Variants in IRF4 observed in about 807,000 individuals in gnomAD.
The protein encoded by IRF4 is interferon regulatory factor 4.
A neutral mutation model predicts 55.5 loss-of-function variants in IRF4; 13 were observed. The ratio of observed to expected loss-of-function variants is 0.23; its 90% confidence interval spans 0.15 to 0.37. IRF4 has a LOEUF of 0.37. Ranked by LOEUF, IRF4 falls within the 10% of genes least tolerant of loss-of-function variation. IRF4 has a pLI of 1.00. For missense variants in IRF4, 397 were observed against 593.8 expected (o/e 0.67, Z 3.44); for synonymous variants, 249 against 240.7 (o/e 1.03, Z -0.32).
chr6:395,194 G>C (rs1427711329), intron 3 of IRF4, among the ~76,000 whole-genome samples, 187 bp downstream of exon 3: 1 of 150,132 alleles, frequency 6.7e-6, no homozygotes, highest in Non-Finnish European at 1.5e-5. Flanking sequence ...TTCCTGTGGG[G>C]TTCAGCATAG....
chr6:394,769 A>G (rs1561711139), intron 2 of IRF4, 52 bp from the exon 3 acceptor site: 2 of 1,539,290 alleles, frequency 1.3e-6, no homozygotes, highest in East Asian at 4.5e-5. Context: ...AAGAAAGCTA[A>G]TAAACCAGAC....
chr6:409,088 G>A lies in IRF4; in HGVS notation c.*1490G>A, dbSNP rs1453632939. The A allele has an allele frequency of 4.2e-5, 9 of 216,454 alleles. No homozygotes were observed. The highest frequency in any genetic ancestry group is 3.7e-4 in the South Asian group (2 of 5,372). The allele number at this position is 216,454 out of a possible 1,614,324, so 13.4% of individuals were successfully genotyped here. ...ACTCCCAGGATCAGCAGAAGATTGC[G>A]TAGCTCTCAAATGTGTGTTCCTGCT... On this transcript the variant is annotated 3_prime_UTR_variant, in exon 9 of 9. Transcript: ENST00000380956.
At chr6:396,370 C>G (rs138722261) in intron 4 of IRF4, among the ~76,000 whole-genome samples, 169 of 152,366 alleles carry the variant, frequency 1.1e-3, no homozygotes, top group Non-Finnish European at 2.2e-3. Context: ...TATGACGAAG[C>G]TTTACATAAA....
At chr6:407,211 G>A (rs901500532) in intron 8 of IRF4, among the ~76,000 whole-genome samples, 1 of 152,150 alleles carries the variant, frequency 6.6e-6, no homozygotes, top group Non-Finnish European at 1.5e-5. Flanking sequence ...AGTGGCAGTC[G>A]ATTTGAAAGT....
intron 6 of IRF4, 114 bp from the exon 7 acceptor site, chr6:401,310 A>C (rs977203221): frequency 1.3e-6 from 1 of 779,930 alleles, no homozygotes. Flanking sequence ...TTGTTCCCCC[A>C]CGGGACATGT....
chr6:409,066 C>T lies in IRF4; in HGVS notation c.*1468C>T. On this transcript the variant is annotated 3_prime_UTR_variant, in exon 9 of 9. Coordinates refer to ENST00000380956, the MANE Select transcript of IRF4 (RefSeq NM_002460.4). ...ATACTACAGGATATTTACTATTACT[C>T]CCAGGATCAGCAGAAGATTGCGTAG... 4.6e-6 allele frequency: 1 copy of T among 216,230 alleles called. No homozygotes were observed. Among genetic ancestry groups the T allele is most frequent in the African/African-American group, 2.2e-5 (1 of 44,502 alleles). The allele number at this position is 216,230 out of a possible 1,614,324, so 13.4% of individuals were successfully genotyped here. A position where few individuals can be genotyped will look rare whatever the true frequency, so the allele number is the denominator to read the frequency against.
At chr6:402,692 T>A (rs1409044303) in intron 7 of IRF4, among the ~76,000 whole-genome samples, 1 of 152,256 alleles carries the variant, frequency 6.6e-6, no homozygotes, top group African/African-American at 2.4e-5. Flanking sequence ...TTTTGTAAGC[T>A]CATCCAGATT....
chr6:393,116 G>GAGGACCCCGGGCGCGGGCGC lies in IRF4; in HGVS notation c.-36_-17dup. On this transcript the variant is annotated 5_prime_UTR_variant, in exon 2 of 9. Transcript: ENST00000380956. The surrounding 1 kb of genome is among the most constrained non-coding windows in gnomAD (Gnocchi z 5.4). ...CCCGCAGTGCAGAGCAGAGCGGGCG[G>GAGGACCCCGGGCGCGGGCGC]AGGACCCCGGGCGCGGGCGCGGACG... 1 of 1,536,202 alleles carries GAGGACCCCGGGCGCGGGCGC rather than the reference G, an allele frequency of 6.5e-7. No homozygotes were observed. The highest frequency in any genetic ancestry group is 8.8e-7 in the Non-Finnish European group (1 of 1,137,476).
chr6:392,743 G>T (rs771297689), intron 1 of IRF4, among the ~76,000 whole-genome samples: 1 of 152,204 alleles, frequency 6.6e-6, no homozygotes, highest in East Asian at 1.9e-4. Context: ...CGAGAGCTGC[G>T]AGTGAGTGCG....
Position 401,790 on chromosome 6 carries a change from G to T in IRF4, c.1099+13G>T, listed in dbSNP as rs575588574. The stretch of plus-strand genomic sequence containing the variant: ...CAGTTCTTGTCAGGTAAGGCACCTC[G>T]TTATCTGTTAGAATGGAGGTGGTGA... On this transcript the variant is annotated intron_variant, in intron 7 of 8. Coordinates refer to ENST00000380956, the MANE Select transcript of IRF4 (RefSeq NM_002460.4). The T allele has an allele frequency of 1.2e-6, 2 of 1,609,384 alleles. No homozygotes were observed. Among genetic ancestry groups the T allele is most frequent in the African/African-American group, 1.3e-5 (1 of 74,952 alleles).
chr6:401,154 G>A (rs745560059), intron 6 of IRF4, among the ~76,000 whole-genome samples: 1 of 152,170 alleles, frequency 6.6e-6, no homozygotes, highest in African/African-American at 2.4e-5. Context: ...GGCCACATAC[G>A]TTTGTAATAT....
chr6:407,653 CG>C lies in IRF4; in HGVS notation c.*59del. On this transcript the variant is annotated 3_prime_UTR_variant, in exon 9 of 9. Coordinates refer to ENST00000380956, the MANE Select transcript of IRF4 (RefSeq NM_002460.4). ...CCTTTTTTTTTTTTTTTTTTTGATA[CG>C]GGGATACGGGGTCTTGCTCTGTCTC... 1 of 1,296,464 alleles carries C rather than the reference CG, an allele frequency of 7.7e-7. No individual in the cohort carries two copies. Among genetic ancestry groups the C allele is most frequent in the Non-Finnish European group, 1.0e-6 (1 of 957,732 alleles). The allele number at this position is 1,296,464 out of a possible 1,614,324, so 80.3% of individuals were successfully genotyped here.
At chr6:391,954 C>A (rs1351951605) in intron 1 of IRF4, 145 bp downstream of exon 1, 2 of 429,264 alleles carry the variant, frequency 4.7e-6, no homozygotes, top group Non-Finnish European at 9.5e-6. Flanking sequence ...CCTGGAGCTC[C>A]GACTCCCACC....
At chr6:391,914 G>C (rs980527083) in intron 1 of IRF4, 105 bp downstream of exon 1, 1 of 445,638 alleles carries the variant, frequency 2.2e-6, no homozygotes, top group Non-Finnish European at 4.5e-6. Context: ...GGGTACCCCG[G>C]CTTCGGAGCG....
chr6:405,250 A>G (rs1226993985), intron 8 of IRF4, 120 bp downstream of exon 8: 2 of 650,384 alleles, frequency 3.1e-6, no homozygotes, highest in Non-Finnish European at 5.4e-6. Context: ...AATAAGCGTA[A>G]CCCTTAAACT....
At chr6:395,108 T>TTGCCTGCC in intron 3 of IRF4, 101 bp downstream of exon 3, 3 of 916,144 alleles carry the variant, frequency 3.3e-6, no homozygotes, top group East Asian at 5.4e-5. Flanking sequence ...TCCTTTTGTA[T>TTGCCTGCC]TGCCTGCCTG....
chr6:399,620 T>G lies in IRF4; in HGVS notation c.745+685T>G, dbSNP rs757358051. Among the ~76,000 whole-genome samples, 4 of 152,334 alleles carry G rather than the reference T, an allele frequency of 2.6e-5. No individual in the cohort carries two copies. In the East Asian group the frequency reaches 7.7e-4, roughly 29 times the overall value. ...TTTATTTTTCAGATAATATTTTGGATTGTTTTTAAATGGGATTTGTTTTTA... is the reference window on the plus strand; with the variant it reads ...TTTATTTTTCAGATAATATTTTGGAGTGTTTTTAAATGGGATTTGTTTTTA... On this transcript the variant is annotated intron_variant, in intron 6 of 8. Transcript: ENST00000380956.
rs2127443894 is a variant in IRF4 at position 409,359 on chromosome 6, C to T, written c.*1761C>T. On this transcript the variant is annotated 3_prime_UTR_variant, in exon 9 of 9. Coordinates refer to ENST00000380956, the MANE Select transcript of IRF4 (RefSeq NM_002460.4). ...TAAAAAGGATCTCCTTTTTTCCCAG[C>T]CCAAATTCTCCTCTCTAAAAGTGTC... 5.0e-6 allele frequency: 1 copy of T among 198,806 alleles called. No homozygotes were observed. Among genetic ancestry groups the T allele is most frequent in the Non-Finnish European group, 1.0e-5 (1 of 96,064 alleles). 12.3% of individuals were successfully genotyped at this position (198,806 alleles called of 1,614,324 possible).
chr6:401,705 T>C lies in IRF4; in HGVS notation c.1027T>C (p.Cys343Arg). 6.2e-7 allele frequency: 1 copy of C among 1,614,234 alleles called. No individual in the cohort carries two copies. Among genetic ancestry groups the C allele is most frequent in the Non-Finnish European group, 8.5e-7 (1 of 1,180,052 alleles). ...CTACTGGGACGGGCCCCTGGCGCTG[T>C]GCAACGACCGGCCCAACAAACTGGA... ...RIYWDGPLAL[C>R]NDRPNKLERD... Residue 343 changes from cysteine (C) to arginine (R), a missense_variant, in exon 7 of 9, where the codon TGC (cysteine) becomes CGC (arginine). Physicochemically the swap from Cys to Arg is radical, Grantham distance 180. Around this residue, in one of 3 missense-constraint regions of IRF4, gnomAD observed 341 missense variants for 548.1 expected, o/e 0.62. Coordinates refer to ENST00000380956, the MANE Select transcript of IRF4 (RefSeq NM_002460.4).
Sources: gnomAD v4.1 joint callset for allele counts (sites outside exome capture counted in the v4.1 genomes callset) on GRCh38, gnomAD v4.1.1 for gene constraint, gnomAD v4.1.1 regional missense constraint, Gnocchi (gnomAD v3.1) non-coding constraint, MANE v1.5 for transcripts, NCBI Gene and HGNC (gene_info 2026-07-23, HGNC 2026-07-21) for gene names.